TTC27: variants seen among roughly 807,000 people sequenced by gnomAD.
The protein encoded by TTC27 is tetratricopeptide repeat protein 27.
A neutral mutation model predicts 115.9 loss-of-function variants in TTC27; 79 were observed. That is an observed-to-expected ratio of 0.68 (90% CI 0.57 to 0.82). The LOEUF is 0.82. TTC27 is among the 40% of genes least tolerant of loss of function. The probability of loss-of-function intolerance (pLI) is 0.00; values close to 1 mark genes in which losing one functional copy is unlikely to be tolerated. For missense variants in TTC27, 1,054 were observed against 993.1 expected, an observed-to-expected ratio of 1.06 and a Z score of -0.82; for synonymous variants, 401 against 356.0, an observed-to-expected ratio of 1.13 and a Z score of -1.42.
chr2:32,775,082 C>G (rs879264058), intron 13 of TTC27, among the ~76,000 whole-genome samples: 4 of 152,236 alleles, frequency 2.6e-5, no homozygotes, highest in Non-Finnish European at 4.4e-5. Flanking sequence ...CATCACCAGT[C>G]TGTTTTAGAG....
intron 2 of TTC27, among the ~76,000 whole-genome samples, chr2:32,631,879 C>T (rs139765253): frequency 9.3e-4 from 140 of 150,644 alleles, no homozygotes; most frequent in African/African-American, 3.3e-3. Flanking sequence ...GGCGTGATCT[C>T]GGCTCACTGC....
intron 12 of TTC27, among the ~76,000 whole-genome samples, chr2:32,737,979 G>A (rs774740110): frequency 1.3e-5 from 2 of 152,220 alleles, no homozygotes; most frequent in African/African-American, 2.4e-5. Context: ...TCATGCCACC[G>A]CACTGCAGCC....
chr2:32,659,964 T>C (rs992245893), intron 5 of TTC27, among the ~76,000 whole-genome samples: 1 of 152,218 alleles, frequency 6.6e-6, no homozygotes, highest in Admixed American at 6.5e-5. Context: ...TGAACAGTGC[T>C]GCAGTAAACA....
intron 12 of TTC27, among the ~76,000 whole-genome samples, chr2:32,748,607 C>T (rs186690530): frequency 5.3e-4 from 81 of 151,844 alleles, no homozygotes; most frequent in African/African-American, 1.8e-3. Flanking sequence ...GTTATTTTAG[C>T]TGCACATATA....
Position 32,714,918 on chromosome 2 carries a change from C to T in TTC27, c.1233+11998C>T, listed in dbSNP as rs199935012. Among the ~76,000 whole-genome samples, 13 of 152,216 alleles carry T rather than the reference C, an allele frequency of 8.5e-5. No homozygotes were observed. In the East Asian group the frequency reaches 2.5e-3, roughly 29 times the overall value. On this transcript the variant is annotated intron_variant, in intron 10 of 19. Coordinates refer to ENST00000317907, the MANE Select transcript of TTC27 (RefSeq NM_017735.5). ...AAAGTGACTGTTCATGTCCTTTGCC[C>T]ACTTTTTAATGGGGTTGTTTTTTGT...
rs578093129 is a variant in TTC27 at position 32,752,211 on chromosome 2, T to C, written c.1453-6081T>C. Among the ~76,000 whole-genome samples, 7 of 152,308 alleles carry C rather than the reference T, an allele frequency of 4.6e-5. No homozygotes were observed. The East Asian group carries it at 5.8e-4, about 13-fold the overall frequency. On this transcript the variant is annotated intron_variant, in intron 12 of 19. Coordinates refer to ENST00000317907, the MANE Select transcript of TTC27 (RefSeq NM_017735.5). ...GCTTTTCCCCAGCTTACACGGAACA[T>C]CTACCATAGCACTTTTCAAAAATGC... is the stretch of plus-strand genomic sequence containing the variant.
chr2:32,795,132 G>GA (rs61698560), intron 16 of TTC27, among the ~76,000 whole-genome samples: 47 of 141,112 alleles, frequency 3.3e-4, no homozygotes, highest in South Asian at 1.4e-3. Context: ...GACATTACAA[G>GA]AAAAAAAAAA....
chr2:32,752,972 G>A (rs1669068168), intron 12 of TTC27, among the ~76,000 whole-genome samples: 1 of 152,160 alleles, frequency 6.6e-6, no homozygotes, highest in Non-Finnish European at 1.5e-5. Context: ...TAAAACAACA[G>A]CAATCATTTG....
intron 12 of TTC27, among the ~76,000 whole-genome samples, chr2:32,754,459 G>A (rs1483443319): frequency 6.7e-6 from 1 of 148,960 alleles, no homozygotes; most frequent in Non-Finnish European, 1.5e-5. Context: ...ACAGGGTTGG[G>A]GGTAAGGTCA....
At chr2:32,710,141 G>T (rs886556780) in intron 10 of TTC27, among the ~76,000 whole-genome samples, 1 of 151,880 alleles carries the variant, frequency 6.6e-6, no homozygotes, top group Non-Finnish European at 1.5e-5. Context: ...TCAGCCTCCC[G>T]AGTAGCTGGG....
intron 12 of TTC27, among the ~76,000 whole-genome samples, chr2:32,750,615 C>T (rs1668977407): frequency 6.6e-6 from 1 of 152,174 alleles, no homozygotes; most frequent in Non-Finnish European, 1.5e-5. Context: ...CTAGCAGGTA[C>T]AGATTATTCC....
chr2:32,678,306 G>A (rs1021449790), intron 8 of TTC27, among the ~76,000 whole-genome samples: 2 of 149,230 alleles, frequency 1.3e-5, no homozygotes, highest in East Asian at 2.0e-4. Context: ...TACACCAATC[G>A]CATTTTATTT....
rs145893916 is a variant in TTC27 at position 32,644,398 on chromosome 2, T to TAC, written c.537+3989_537+3990dup. 5.9e-3 allele frequency among the ~76,000 whole-genome samples: 895 copies of TAC among 151,762 alleles called. 5 individuals are homozygous for TAC. The highest frequency in any genetic ancestry group is 0.02 in the Middle Eastern group (6 of 294). On this transcript the variant is annotated intron_variant, in intron 4 of 19. Coordinates refer to ENST00000317907, the MANE Select transcript of TTC27 (RefSeq NM_017735.5). Reference sequence around the variant, plus strand: ...AGCATCATTTGAAAAATAATATATATACTGTCAACAACTTAGGAGAATTAA... The same window carrying TAC: ...AGCATCATTTGAAAAATAATATATATACACTGTCAACAACTTAGGAGAATTAA...
At chr2:32,686,350 G>A (rs1351795328) in intron 9 of TTC27, among the ~76,000 whole-genome samples, 1 of 151,934 alleles carries the variant, frequency 6.6e-6, no homozygotes, top group African/African-American at 2.4e-5. Context: ...ATCATTTGGA[G>A]GACTTCTGCT....
At chr2:32,645,878 G>A (rs866678010) in intron 4 of TTC27, among the ~76,000 whole-genome samples, 1 of 150,730 alleles carries the variant, frequency 6.6e-6, no homozygotes, top group Non-Finnish European at 1.5e-5. Flanking sequence ...CACCAGGCCC[G>A]GCTAATTTTT....
At chr2:32,800,142 T>C (rs1398999276) in intron 16 of TTC27, among the ~76,000 whole-genome samples, 1 of 152,202 alleles carries the variant, frequency 6.6e-6, no homozygotes, top group Non-Finnish European at 1.5e-5. Flanking sequence ...TTAATATATG[T>C]AAAGGGCGGG....
chr2:32,696,396 TCTC>T (rs1194058820), intron 9 of TTC27, among the ~76,000 whole-genome samples: 4 of 151,628 alleles, frequency 2.6e-5, no homozygotes, highest in Admixed American at 1.3e-4. Flanking sequence ...TTCAAGCACT[TCTC>T]CTACCTCAGC....
Position 32,767,547 on chromosome 2 carries a change from C to T in TTC27, c.1680+9028C>T, listed in dbSNP as rs947389001. On this transcript the variant is annotated intron_variant, in intron 13 of 19. Coordinates refer to ENST00000317907, the MANE Select transcript of TTC27 (RefSeq NM_017735.5). ...CGCAATCTCGGCTCACTGCAAGCTC[C>T]GCTTCCCAGGTTCACGCCATTCTCC... is the stretch of plus-strand genomic sequence containing the variant. Among the ~76,000 whole-genome samples the T allele has an allele frequency of 3.3e-5, 5 of 150,026 alleles. No homozygotes were observed. In the East Asian group the frequency reaches 5.9e-4, roughly 18 times the overall value.
chr2:32,785,153 A>G (rs1670305464), intron 15 of TTC27, among the ~76,000 whole-genome samples: 1 of 152,222 alleles, frequency 6.6e-6, no homozygotes, highest in Non-Finnish European at 1.5e-5. Flanking sequence ...GCACTTTAAA[A>G]GTAGTATTCT....
Sources: gnomAD v4.1 joint callset for allele counts (sites outside exome capture counted in the v4.1 genomes callset) on GRCh38, gnomAD v4.1.1 for gene constraint, MANE v1.5 for transcripts, NCBI Gene and HGNC (gene_info 2026-07-23, HGNC 2026-07-21) for gene names.